HTR7: variants seen among roughly 807,000 people sequenced by gnomAD.
The protein encoded by HTR7 is 5-HT-7.
A neutral mutation model predicts 34.0 loss-of-function variants in HTR7; 16 were observed. The observed-to-expected ratio is 0.47, with a 90% CI of 0.32 to 0.71. HTR7 has a LOEUF of 0.71. HTR7 is among the 30% of genes least tolerant of loss of function. The pLI is 0.04. For missense variants in HTR7, 504 were observed against 625.5 expected (o/e 0.81, Z 2.07); for synonymous variants, 265 against 260.2 (o/e 1.02, Z -0.18).
At chr10:90,830,620 T>C (rs1846153221) in intron 1 of HTR7, among the ~76,000 whole-genome samples, 1 of 151,972 alleles carries the variant, frequency 6.6e-6, no homozygotes, top group African/African-American at 2.4e-5. Context: ...ACCCCATCTC[T>C]ACAAAAAATA....
At chr10:90,770,484 C>A (rs1192764133) in intron 1 of HTR7, among the ~76,000 whole-genome samples, 1 of 152,184 alleles carries the variant, frequency 6.6e-6, no homozygotes, top group African/African-American at 2.4e-5. Context: ...ACTCTGTATC[C>A]TCAGGGGCCC....
intron 1 of HTR7, among the ~76,000 whole-genome samples, chr10:90,803,302 G>C (rs1430082412): frequency 6.6e-6 from 1 of 152,122 alleles, no homozygotes; most frequent in Admixed American, 6.5e-5. Flanking sequence ...TGAGGGTCTT[G>C]TGTCCCTTCT....
rs187099162 is a variant in HTR7 at position 90,840,680 on chromosome 10, C to T, written c.539+16453G>A. 8.9e-4 allele frequency among the ~76,000 whole-genome samples: 136 copies of T among 152,324 alleles called. 2 individuals carry two copies. The highest frequency in any genetic ancestry group is 1.2e-3 in the Non-Finnish European group (83 of 68,028). ...GAAGCATAATATTAACACAACAACA[C>T]TACTAATAAGTGTAACAGCTCACAT... On this transcript the variant is annotated intron_variant, in intron 1 of 3. Coordinates refer to ENST00000336152, the MANE Select transcript of HTR7 (RefSeq NM_019859.4).
intron 1 of HTR7, among the ~76,000 whole-genome samples, chr10:90,774,783 ACT>A (rs1455590784): frequency 2.6e-5 from 4 of 152,152 alleles, no homozygotes; most frequent in Non-Finnish European, 5.9e-5. Context: ...GACCAGCAAA[ACT>A]CTGACAAACT....
chr10:90,792,466 A>G (rs1449548424), intron 1 of HTR7, among the ~76,000 whole-genome samples: 1 of 152,042 alleles, frequency 6.6e-6, no homozygotes, highest in Non-Finnish European at 1.5e-5. Context: ...TCTTTTTCAT[A>G]GGATTTTTCA....
At chr10:90,855,002 T>G (rs888139044) in intron 1 of HTR7, among the ~76,000 whole-genome samples, 3 of 152,204 alleles carry the variant, frequency 2.0e-5, no homozygotes, top group African/African-American at 7.2e-5. Flanking sequence ...AATAATATAT[T>G]TTCCTTTTTT....
At chr10:90,829,808 G>A (rs560272823) in intron 1 of HTR7, among the ~76,000 whole-genome samples, 1 of 152,080 alleles carries the variant, frequency 6.6e-6, no homozygotes, top group Non-Finnish European at 1.5e-5. Flanking sequence ...ACAGAAATCA[G>A]TAGCATTTCT....
At chr10:90,851,604 C>CAAAA (rs34310653) in intron 1 of HTR7, among the ~76,000 whole-genome samples, 38 of 68,856 alleles carry the variant, frequency 5.5e-4, no homozygotes, top group African/African-American at 7.7e-4. Flanking sequence ...GACTCCGTCC[C>CAAAA]AAAAAAAAAA....
At chr10:90,794,487 G>C (rs1845508325) in intron 1 of HTR7, among the ~76,000 whole-genome samples, 1 of 152,020 alleles carries the variant, frequency 6.6e-6, no homozygotes, top group Admixed American at 6.6e-5. Context: ...TTTTATTTTT[G>C]TTTTCTGCTT....
At position 90,815,020 on chromosome 10, in the gene HTR7, A is replaced by G. The variant is rs1036476423; in HGVS notation, c.539+42113T>C. Among the ~76,000 whole-genome samples the G allele has an allele frequency of 1.4e-4, 22 of 152,322 alleles. No individual in the cohort carries two copies. In the Middle Eastern group the frequency reaches 0.017, roughly 118 times the overall value. Reference sequence around the variant, plus strand: ...TTTCAAAAGAAAGGGTAAAACGGTCATAAAAGAAGTTTCTGGGACCAGAAT... The same window carrying G: ...TTTCAAAAGAAAGGGTAAAACGGTCGTAAAAGAAGTTTCTGGGACCAGAAT... On this transcript the variant is annotated intron_variant, in intron 1 of 3. Transcript: ENST00000336152.
intron 1 of HTR7, among the ~76,000 whole-genome samples, chr10:90,762,715 G>A (rs559038372): frequency 2.6e-5 from 4 of 152,126 alleles, no homozygotes; most frequent in African/African-American, 9.6e-5. Flanking sequence ...TGCCAATATC[G>A]ATATAAAGGA....
chr10:90,836,800 A>G (rs1846259538), intron 1 of HTR7, among the ~76,000 whole-genome samples: 1 of 152,018 alleles, frequency 6.6e-6, no homozygotes, highest in Non-Finnish European at 1.5e-5. Flanking sequence ...ATGAGCCACC[A>G]TGTTCAGCTG....
At chr10:90,847,617 A>T (rs576344063) in intron 1 of HTR7, among the ~76,000 whole-genome samples, 1 of 152,326 alleles carries the variant, frequency 6.6e-6, no homozygotes, top group African/African-American at 2.4e-5. Context: ...CATCAGAGGG[A>T]ATGAGTCATA....
At chr10:90,743,268 C>A (rs1020720482) in intron 3 of HTR7, among the ~76,000 whole-genome samples, 2 of 152,230 alleles carry the variant, frequency 1.3e-5, no homozygotes, top group African/African-American at 4.8e-5. Context: ...CCTCTCAGCC[C>A]AGCCCTTCAG....
At chr10:90,847,984 AGAAAAC>A (rs144240570) in intron 1 of HTR7, among the ~76,000 whole-genome samples, 10,237 of 152,204 alleles carry the variant, frequency 0.067, 377 homozygotes, top group Non-Finnish European at 0.093. Context: ...CAGTCAAGAA[AGAAAAC>A]ACTACACCAC....
chr10:90,754,691 G>A (rs991634510), intron 1 of HTR7, among the ~76,000 whole-genome samples: 5 of 152,290 alleles, frequency 3.3e-5, no homozygotes, highest in Non-Finnish European at 1.5e-5. Context: ...GAGAGGGATC[G>A]GAAGTAAATT....
chr10:90,782,449 G>GGAT (rs887982619), intron 1 of HTR7, among the ~76,000 whole-genome samples: 109 of 151,778 alleles, frequency 7.2e-4, no homozygotes, highest in African/African-American at 1.6e-3. Context: ...GTATAAATGG[G>GGAT]GATGATGATG....
chr10:90,764,549 TAC>T (rs1844991108), intron 1 of HTR7, among the ~76,000 whole-genome samples: 1 of 152,186 alleles, frequency 6.6e-6, no homozygotes, highest in Admixed American at 6.5e-5. Context: ...AGAGTTTTGG[TAC>T]AGTTTTTTTT....
At chr10:90,841,774 C>A (rs1846332910) in intron 1 of HTR7, among the ~76,000 whole-genome samples, 3 of 152,058 alleles carry the variant, frequency 2.0e-5, no homozygotes, top group Admixed American at 2.0e-4. Context: ...CCAAAGTTGG[C>A]TGATCACTTG....
Sources: allele counts gnomAD v4.1 joint callset (sites outside exome capture counted in the v4.1 genomes callset), GRCh38; gene constraint gnomAD v4.1.1; transcripts MANE v1.5; gene names NCBI Gene and HGNC (gene_info 2026-07-23, HGNC 2026-07-21).